The following TAFA2 variants were observed in gnomAD, a reference collection of about 807,000 sequenced individuals.
TAFA2 encodes chemokine-like protein TAFA-2.
In TAFA2, 7 loss-of-function variants were observed where a neutral mutation model predicts 18.8. That is an observed-to-expected ratio of 0.37 (90% CI 0.21 to 0.70). TAFA2 has a LOEUF of 0.70. Ranked by LOEUF, TAFA2 falls within the 30% of genes least tolerant of loss-of-function variation. The probability of loss-of-function intolerance (pLI) is 0.53; values close to 1 mark genes in which losing one functional copy is unlikely to be tolerated. For synonymous variants in TAFA2, 60 were observed against 54.2 expected (o/e 1.11, Z -0.47); for missense variants, 122 against 158.1 (o/e 0.77, Z 1.23).
At chr12:61,721,651 G>A (rs1295444252) in intron 4 of TAFA2, among the ~76,000 whole-genome samples, 1 of 152,142 alleles carries the variant, frequency 6.6e-6, no homozygotes, top group East Asian at 1.9e-4. Context: ...TATAGATATA[G>A]ATAGATGTTT....
intron 1 of TAFA2, among the ~76,000 whole-genome samples, chr12:61,980,127 G>A (rs1038443116): frequency 6.6e-6 from 1 of 151,850 alleles, no homozygotes; most frequent in African/African-American, 2.4e-5. Context: ...ATGTATCCCT[G>A]GCCATGCAAG....
intron 2 of TAFA2, among the ~76,000 whole-genome samples, chr12:61,816,296 T>C (rs191237353): frequency 1.3e-5 from 2 of 151,492 alleles, no homozygotes; most frequent in East Asian, 1.9e-4. Flanking sequence ...GTTCCTGTGC[T>C]AGTTTGCTAA....
At chr12:62,114,752 G>A (rs774598523) in intron 1 of TAFA2, among the ~76,000 whole-genome samples, 3 of 152,196 alleles carry the variant, frequency 2.0e-5, no homozygotes, top group Non-Finnish European at 4.4e-5. Flanking sequence ...CTTTGAATCA[G>A]AGTATACCTG....
chr12:61,894,211 G>A (rs1875748061), intron 1 of TAFA2, among the ~76,000 whole-genome samples: 1 of 152,198 alleles, frequency 6.6e-6, no homozygotes, highest in Admixed American at 6.5e-5. Flanking sequence ...CACCAAAGTT[G>A]AGGTTTTTCT....
At chr12:61,916,551 G>T (rs751086069) in intron 1 of TAFA2, among the ~76,000 whole-genome samples, 3 of 152,168 alleles carry the variant, frequency 2.0e-5, no homozygotes, top group Non-Finnish European at 4.4e-5. Context: ...AATCTTTGAA[G>T]TTGTTTAAAG....
In TAFA2 at chr12:62,170,420, A is replaced by G. The variant is rs544864327; in HGVS notation, c.-2+20839T>C. Among the ~76,000 whole-genome samples, 3 of 152,348 alleles carry G rather than the reference A, an allele frequency of 2.0e-5. No homozygotes were observed. The South Asian group carries it at 6.2e-4, about 32-fold the overall frequency. ...GAAATGTTGCCAAGACATGAAAGAA[A>G]TACTAGTTTTGAAACTTGTCCAACT... is the stretch of plus-strand genomic sequence containing the variant. On this transcript the variant is annotated intron_variant, in intron 1 of 4. Transcript: ENST00000416284.
intron 1 of TAFA2, among the ~76,000 whole-genome samples, chr12:62,116,621 G>C (rs1869973591): frequency 6.8e-6 from 1 of 146,032 alleles, no homozygotes; most frequent in South Asian, 2.1e-4. Context: ...TCTAATTTTG[G>C]GTCTTTGCTG....
chr12:61,777,354 G>A (rs1335656379), intron 2 of TAFA2, among the ~76,000 whole-genome samples: 2 of 151,836 alleles, frequency 1.3e-5, no homozygotes, highest in African/African-American at 4.8e-5. Flanking sequence ...ATAAGGTAGG[G>A]AAAGCTCTTA....
chr12:61,930,506 C>G (rs1877512003), intron 1 of TAFA2, among the ~76,000 whole-genome samples: 1 of 152,172 alleles, frequency 6.6e-6, no homozygotes, highest in Non-Finnish European at 1.5e-5. Flanking sequence ...CACTATTTTT[C>G]ACTTTGCTTT....
At chr12:62,205,778 T>C (rs989312193) in intron 1 of TAFA2, among the ~76,000 whole-genome samples, 1 of 152,120 alleles carries the variant, frequency 6.6e-6, no homozygotes, top group African/African-American at 2.4e-5. Context: ...GCAAACTCAG[T>C]AGTCTTAGGC....
intron 1 of TAFA2, among the ~76,000 whole-genome samples, chr12:62,130,596 T>C (rs929716036): frequency 6.6e-6 from 1 of 151,984 alleles, no homozygotes; most frequent in Non-Finnish European, 1.5e-5. Context: ...CCTCTTTTCG[T>C]TTCACTGGAC....
At chr12:62,079,449 T>G (rs933658447) in intron 1 of TAFA2, among the ~76,000 whole-genome samples, 4 of 151,446 alleles carry the variant, frequency 2.6e-5, no homozygotes, top group Non-Finnish European at 4.4e-5. Flanking sequence ...GGTCAGGAGT[T>G]TGAGACCAGT....
intron 4 of TAFA2, among the ~76,000 whole-genome samples, chr12:61,750,597 G>T (rs909115833): frequency 3.3e-5 from 5 of 152,032 alleles, no homozygotes; most frequent in Non-Finnish European, 7.4e-5. Flanking sequence ...AGTCTTAAGT[G>T]GAAAAATCAC....
rs11830395 is a variant in TAFA2 at position 61,867,622 on chromosome 12, T to A, written c.-1-196A>T. Among the ~76,000 whole-genome samples, 3,556 of 152,152 alleles carry A rather than the reference T, an allele frequency of 0.023. 128 individuals carry two copies. Among genetic ancestry groups the A allele is most frequent in the African/African-American group, 0.08 (3,310 of 41,526 alleles). On this transcript the variant is annotated intron_variant, in intron 1 of 4. Transcript: ENST00000416284. ...ATAAAGGTTTTCCAAAGTACCTTGA[T>A]ATGATGCAAGAAATAAGCAAAGCCC...
At chr12:62,149,528 T>C (rs1264686362) in intron 1 of TAFA2, among the ~76,000 whole-genome samples, 1 of 149,802 alleles carries the variant, frequency 6.7e-6, no homozygotes, top group East Asian at 1.9e-4. Context: ...AAAATAAACA[T>C]TTGCTATATG....
At position 61,899,318 on chromosome 12, in the gene TAFA2, G is replaced by T. The variant is rs1072693; in HGVS notation, c.-1-31892C>A. ...ATCTTTATAGCAGTGCCCCACTCTTGGTACCAATTTATTGTACTAGTCCAT... is the reference window on the plus strand; with the variant it reads ...ATCTTTATAGCAGTGCCCCACTCTTTGTACCAATTTATTGTACTAGTCCAT... On this transcript the variant is annotated intron_variant, in intron 1 of 4. Transcript: ENST00000416284. 6.6e-5 allele frequency among the ~76,000 whole-genome samples: 10 copies of T among 151,970 alleles called. No individual in the cohort carries two copies. The East Asian group carries it at 7.8e-4, about 12-fold the overall frequency.
chr12:61,826,086 C>T (rs1872527765), intron 2 of TAFA2, among the ~76,000 whole-genome samples: 1 of 152,136 alleles, frequency 6.6e-6, no homozygotes, highest in East Asian at 1.9e-4. Context: ...AGGATTATAA[C>T]ACCTATGTTT....
chr12:62,180,198 C>T (rs778129912), intron 1 of TAFA2, among the ~76,000 whole-genome samples: 21 of 151,984 alleles, frequency 1.4e-4, no homozygotes, highest in African/African-American at 2.9e-4. Flanking sequence ...GAATTTTTTA[C>T]GAATTTTCAT....
At chr12:61,847,006 G>C (rs1270852001) in intron 2 of TAFA2, among the ~76,000 whole-genome samples, 1 of 151,976 alleles carries the variant, frequency 6.6e-6, no homozygotes. Context: ...TCTCTTAGCT[G>C]CCCTCCAACC....
Sources: gnomAD v4.1 joint callset for allele counts (sites outside exome capture counted in the v4.1 genomes callset) on GRCh38, gnomAD v4.1.1 for gene constraint, MANE v1.5 for transcripts, NCBI Gene and HGNC (gene_info 2026-07-23, HGNC 2026-07-21) for gene names.